The following EMC8 variants were observed in gnomAD, a reference collection of about 807,000 sequenced individuals.
EMC8 encodes ER membrane protein complex subunit 8.
EMC8 carries 11 observed loss-of-function variants against 24.3 expected under a neutral mutation model. The ratio of observed to expected loss-of-function variants is 0.45; its 90% confidence interval spans 0.28 to 0.75. The LOEUF is 0.75. Ranked by LOEUF, EMC8 falls within the 30% of genes least tolerant of loss-of-function variation. The pLI, the probability that EMC8 is intolerant of heterozygous loss-of-function variation, is 0.12. For missense variants in EMC8, 277 were observed against 282.7 expected (o/e 0.98, Z 0.14); for synonymous variants, 145 against 117.7 (o/e 1.23, Z -1.50).
rs1270123263 is a variant in EMC8, at chr16:85,780,398, G to A, written c.454C>T (p.Arg152Trp). 73 of 1,613,892 alleles carry A rather than the reference G, an allele frequency of 4.5e-5. No homozygotes were observed. The East Asian group carries it at 1.5e-3, about 33-fold the overall frequency. The part of the protein sequence containing the change: ...HVYEHHENRW[R>W]CRDPHHDYCE... ...ACTCACTGGTGTGGGTCTCTGCACCGCCATCTGTTCTCATGGTGCTCGTAC... is the reference window on the plus strand; with the variant it reads ...ACTCACTGGTGTGGGTCTCTGCACCACCATCTGTTCTCATGGTGCTCGTAC... Residue 152 changes from arginine (R) to tryptophan (W), a missense_variant, in exon 4 of 5, where the codon CGG becomes TGG. By Grantham distance (101) the Arg-to-Trp change is moderately radical (BLOSUM62 -3). Coordinates refer to ENST00000253457, the MANE Select transcript of EMC8 (RefSeq NM_006067.5).
rs371669911 is a variant in EMC8 at position 85,779,914 on chromosome 16, C to T, written c.474-47G>A. 9.6e-6 allele frequency: 15 copies of T among 1,567,690 alleles called. No individual in the cohort carries two copies. The Admixed American group carries it at 1.0e-4, about 11-fold the overall frequency. ...GTCAGCATCTAACAGTGAAAACGGG[C>T]GGCTTGTAACAGCATCAAGAGAGAA... On this transcript the variant is annotated intron_variant, in intron 4 of 4. Coordinates refer to ENST00000253457, the MANE Select transcript of EMC8 (RefSeq NM_006067.5).
chr16:85,781,741 C>T (rs1434498621), intron 2 of EMC8: 2 of 162,804 alleles, frequency 1.2e-5, no homozygotes, highest in African/African-American at 4.8e-5. Context: ...GCCACTGTGC[C>T]CAGCCTACTT....
At chr16:85,798,730 G>A (rs574555020) in intron 1 of EMC8, 2 of 290,036 alleles carry the variant, frequency 6.9e-6, no homozygotes, top group Admixed American at 5.0e-5. Flanking sequence ...CCTGCAACTC[G>A]AAATCCTCAA....
chr16:85,784,155 C>G (rs1302528073), intron 2 of EMC8, among the ~76,000 whole-genome samples: 1 of 152,174 alleles, frequency 6.6e-6, no homozygotes, highest in Non-Finnish European at 1.5e-5. Context: ...CCCGCCACCA[C>G]GCCCAGCTAA....
chr16:85,794,895 C>T (rs1036654435), intron 1 of EMC8, among the ~76,000 whole-genome samples: 11 of 152,154 alleles, frequency 7.2e-5, no homozygotes, highest in South Asian at 4.1e-4. Context: ...TGGGCCCCTG[C>T]GGTGCCCGGT....
intron 1 of EMC8, among the ~76,000 whole-genome samples, chr16:85,796,085 A>C (rs974103806): frequency 7.9e-5 from 12 of 152,098 alleles, no homozygotes; most frequent in Non-Finnish European, 1.5e-4. Flanking sequence ...TCACCGGCAC[A>C]CCACTGGTTC....
chr16:85,787,200 C>T (rs547117985), intron 2 of EMC8, among the ~76,000 whole-genome samples: 10 of 152,212 alleles, frequency 6.6e-5, no homozygotes, highest in Non-Finnish European at 1.5e-4. Context: ...CAGCCCTTGC[C>T]ACGTCCTCAC....
At chr16:85,782,576 T>G (rs563481154) in intron 2 of EMC8, among the ~76,000 whole-genome samples, 3 of 152,354 alleles carry the variant, frequency 2.0e-5, no homozygotes, top group African/African-American at 7.2e-5. Context: ...TCCCTCTAGC[T>G]GCTGTCCAGC....
At position 85,781,010 on chromosome 16, in the gene EMC8, TG is replaced by T. The variant is rs1904468721; in HGVS notation, c.378+200del. 6.9e-6 allele frequency: 4 copies of T among 578,498 alleles called. No homozygotes were observed. In the East Asian group the frequency reaches 1.2e-4, roughly 17 times the overall value. The allele number at this position is 578,498 out of a possible 1,614,324, so 35.8% of individuals were successfully genotyped here. A position where few individuals can be genotyped will look rare whatever the true frequency, so the allele number is the denominator to read the frequency against. ...GCTGGCAGGGGACCCCACTCCCACT[TG>T]TGTAGTGATGCGGAAGCACAGAAGC... is the stretch of plus-strand genomic sequence containing the variant. On this transcript the variant is annotated intron_variant, in intron 3 of 4. Coordinates refer to ENST00000253457, the MANE Select transcript of EMC8 (RefSeq NM_006067.5).
chr16:85,791,406 C>T (rs1191572731), intron 1 of EMC8, among the ~76,000 whole-genome samples: 1 of 152,166 alleles, frequency 6.6e-6, no homozygotes. Flanking sequence ...CACCTACCAA[C>T]CCGTCACCTA....
intron 1 of EMC8, among the ~76,000 whole-genome samples, chr16:85,795,160 C>T (rs554702312): frequency 6.6e-6 from 1 of 152,316 alleles, no homozygotes; most frequent in South Asian, 2.1e-4. Context: ...TTAACTCTGT[C>T]AAGGTTACTT....
Position 85,799,425 on chromosome 16 carries a change from CGGG to C in EMC8, c.-133_-131del. The C allele has an allele frequency of 2.0e-6, 1 of 499,372 alleles. No homozygotes were observed. The highest frequency in any genetic ancestry group is 3.3e-6 in the Non-Finnish European group (1 of 304,440). 30.9% of individuals were successfully genotyped at this position (499,372 alleles called of 1,614,324 possible). On this transcript the variant is annotated 5_prime_UTR_variant, in exon 1 of 5. Coordinates refer to ENST00000253457, the MANE Select transcript of EMC8 (RefSeq NM_006067.5). The surrounding 1 kb of genome is among the most constrained non-coding windows in gnomAD (Gnocchi z 4.2). ...GATTGATGGCGCGGCCGCGGGCTGG[CGGG>C]GGACCCTTCAGGCCCGGCCCCGTTT... is the stretch of plus-strand genomic sequence containing the variant.
Position 85,781,114 on chromosome 16 carries a change from T to C in EMC8, c.378+97A>G. 5 of 814,400 alleles carry C rather than the reference T, an allele frequency of 6.1e-6. No individual in the cohort carries two copies. The South Asian group carries it at 7.1e-5, about 12-fold the overall frequency. The allele number at this position is 814,400 out of a possible 1,614,324, so 50.4% of individuals were successfully genotyped here. On this transcript the variant is annotated intron_variant, in intron 3 of 4. Coordinates refer to ENST00000253457, the MANE Select transcript of EMC8 (RefSeq NM_006067.5). Reference sequence around the variant, plus strand: ...CAATGGTCTCAAGCAGATAAATGAGTGAAGGGGTTAGCGGAAAGGAAACCG... The same window carrying C: ...CAATGGTCTCAAGCAGATAAATGAGCGAAGGGGTTAGCGGAAAGGAAACCG...
intron 1 of EMC8, chr16:85,792,724 G>A (rs1227779374): frequency 6.6e-6 from 1 of 152,210 alleles, no homozygotes. Context: ...GCTCCTGCAT[G>A]AAAAGCTGCG....
chr16:85,794,359 T>G lies in EMC8; in HGVS notation c.231+4706A>C, dbSNP rs567893588. ...CACTGGATTGCTGTCTTTTTCATAT[T>G]TGCCCACTGCTGAGGGAATGAGTTT... On this transcript the variant is annotated intron_variant, in intron 1 of 4. Coordinates refer to ENST00000253457, the MANE Select transcript of EMC8 (RefSeq NM_006067.5). 6.6e-5 allele frequency among the ~76,000 whole-genome samples: 10 copies of G among 152,332 alleles called. No individual in the cohort carries two copies. The South Asian group carries it at 1.7e-3, about 25-fold the overall frequency.
chr16:85,784,276 G>C (rs1257826977), intron 2 of EMC8: 1 of 152,176 alleles, frequency 6.6e-6, no homozygotes, highest in African/African-American at 2.4e-5. Context: ...GGGAATATAG[G>C]CGTGAGCCAC....
At chr16:85,792,275 A>C (rs1905049320) in intron 1 of EMC8, 1 of 152,228 alleles carries the variant, frequency 6.6e-6, no homozygotes, top group Non-Finnish European at 1.5e-5. Context: ...GGCCCAACCA[A>C]ATTCCAGCAG....
chr16:85,788,575 T>G (rs765044730), intron 2 of EMC8, among the ~76,000 whole-genome samples: 28 of 152,114 alleles, frequency 1.8e-4, no homozygotes, highest in Admixed American at 9.8e-4. Flanking sequence ...TTCATCAGAG[T>G]ACTGACCCCA....
chr16:85,789,091 C>T (rs536436687), intron 1 of EMC8, 41 bp from the exon 2 acceptor site: 1 of 1,318,360 alleles, frequency 7.6e-7, no homozygotes, highest in South Asian at 1.2e-5. Context: ...GAATGACTCT[C>T]CCTTAAATAT....
Sources: gnomAD v4.1 joint callset for allele counts (sites outside exome capture counted in the v4.1 genomes callset) on GRCh38, gnomAD v4.1.1 for gene constraint, Gnocchi (gnomAD v3.1) non-coding constraint, MANE v1.5 for transcripts, NCBI Gene and HGNC (gene_info 2026-07-23, HGNC 2026-07-21) for gene names.